Variants in CNTN5 observed in about 807,000 individuals in gnomAD.
CNTN5 encodes contactin 5, also known as contactin-5.
Under a neutral mutation model 129.1 loss-of-function variants are expected in CNTN5, and 77 were observed. The ratio of observed to expected loss-of-function variants is 0.60; its 90% CI spans 0.50 to 0.72. CNTN5 has a LOEUF of 0.72. CNTN5 is among the 30% of genes least tolerant of loss of function. The pLI is 0.00. For synonymous variants in CNTN5, 509 were observed against 465.6 expected (o/e 1.09, Z -1.20); for missense variants, 1,478 against 1,328.8 (o/e 1.11, Z -1.75).
chr11:99,622,315 G>A (rs959886289), intron 3 of CNTN5, among the ~76,000 whole-genome samples: 11 of 152,076 alleles, frequency 7.2e-5, no homozygotes, highest in African/African-American at 2.7e-4. Flanking sequence ...AATCAATTTG[G>A]TTTAATGAAA....
At chr11:99,591,463 G>C (rs997057995) in intron 3 of CNTN5, among the ~76,000 whole-genome samples, 1 of 146,822 alleles carries the variant, frequency 6.8e-6, no homozygotes, top group Admixed American at 7.1e-5. Context: ...TCAGCCTCCC[G>C]AGTAGCTGAG....
At chr11:100,069,727 G>A (rs568438498) in intron 10 of CNTN5, among the ~76,000 whole-genome samples, 12 of 152,072 alleles carry the variant, frequency 7.9e-5, no homozygotes, top group South Asian at 2.1e-4. Flanking sequence ...ATTTTTATAC[G>A]TATTTCTTTG....
At chr11:99,431,528 A>AG (rs1044759905) in intron 2 of CNTN5, among the ~76,000 whole-genome samples, 5 of 152,076 alleles carry the variant, frequency 3.3e-5, no homozygotes, top group African/African-American at 1.2e-4. Flanking sequence ...AATTCCTTGG[A>AG]GGGGGGAAAC....
intron 9 of CNTN5, among the ~76,000 whole-genome samples, chr11:100,009,583 G>T (rs1448111559): frequency 8.5e-5 from 13 of 152,094 alleles, no homozygotes. Context: ...AATTCCAACA[G>T]TATGGGATTA....
At chr11:99,983,027 A>G (rs778254993) in intron 8 of CNTN5, among the ~76,000 whole-genome samples, 10 of 152,200 alleles carry the variant, frequency 6.6e-5, no homozygotes, top group Non-Finnish European at 1.3e-4. Flanking sequence ...TAATAAATCC[A>G]TGATCAGTCA....
intron 3 of CNTN5, among the ~76,000 whole-genome samples, chr11:99,564,629 A>T (rs544546493): frequency 2.6e-5 from 4 of 152,344 alleles, no homozygotes; most frequent in Admixed American, 2.6e-4. Context: ...ATTTGAGGTA[A>T]TCATAATTAC....
intron 1 of CNTN5, among the ~76,000 whole-genome samples, chr11:99,139,528 C>G (rs1394132933): frequency 6.6e-6 from 1 of 152,096 alleles, no homozygotes; most frequent in Non-Finnish European, 1.5e-5. Context: ...AGACCCGAGC[C>G]GTTCATTAAA....
At chr11:99,502,510 T>C (rs1374994058) in intron 2 of CNTN5, among the ~76,000 whole-genome samples, 2 of 152,154 alleles carry the variant, frequency 1.3e-5, no homozygotes, top group African/African-American at 4.8e-5. Context: ...CCCACAACTT[T>C]GCTTGGCACT....
chr11:99,071,319 T>C (rs1041199692), intron 1 of CNTN5, among the ~76,000 whole-genome samples: 1 of 152,180 alleles, frequency 6.6e-6, no homozygotes, highest in Non-Finnish European at 1.5e-5. Context: ...CTAATGCTTC[T>C]TTCTAGAAAT....
intron 3 of CNTN5, among the ~76,000 whole-genome samples, chr11:99,668,589 C>G (rs1490158654): frequency 6.6e-6 from 1 of 152,128 alleles, no homozygotes; most frequent in Non-Finnish European, 1.5e-5. Context: ...CATTATACTA[C>G]TAGTTATCGC....
intron 3 of CNTN5, among the ~76,000 whole-genome samples, chr11:99,761,512 G>A (rs1220772372): frequency 7.3e-5 from 11 of 151,484 alleles, no homozygotes; most frequent in Admixed American, 4.6e-4. Flanking sequence ...GAGAATATGC[G>A]GTGTTTGGTT....
rs1359912125 is a variant in CNTN5 at position 99,318,544 on chromosome 11, A to T, written c.-209-6802A>T. Among the ~76,000 whole-genome samples, 3 of 148,592 alleles carry T rather than the reference A, an allele frequency of 2.0e-5. No homozygotes were observed. The South Asian group carries it at 6.4e-4, about 32-fold the overall frequency. On this transcript the variant is annotated intron_variant, in intron 1 of 24. Coordinates refer to ENST00000524871, the MANE Select transcript of CNTN5 (RefSeq NM_014361.4). ...GTAATTTCAAAAACTTTTGAGAATTATTTTTTTTTTTTGTAATTAACTCTC... is the reference window on the plus strand; with the variant it reads ...GTAATTTCAAAAACTTTTGAGAATTTTTTTTTTTTTTTGTAATTAACTCTC...
At chr11:99,041,491 A>T (rs1388201140) in intron 1 of CNTN5, among the ~76,000 whole-genome samples, 1 of 152,092 alleles carries the variant, frequency 6.6e-6, no homozygotes, top group Non-Finnish European at 1.5e-5. Context: ...AAACAATTTA[A>T]CTCATCTTTT....
chr11:99,750,124 C>A (rs1944183196), intron 3 of CNTN5, among the ~76,000 whole-genome samples: 1 of 152,082 alleles, frequency 6.6e-6, no homozygotes. Flanking sequence ...TAATAGCTAG[C>A]CTGTATGTGA....
At position 100,161,477 on chromosome 11, in the gene CNTN5, G is replaced by A. The variant is rs1018719904; in HGVS notation, c.1581-29649G>A. 2.0e-5 allele frequency among the ~76,000 whole-genome samples: 3 copies of A among 151,940 alleles called. No individual in the cohort carries two copies. In the East Asian group the frequency reaches 5.9e-4, roughly 30 times the overall value. On this transcript the variant is annotated intron_variant, in intron 13 of 24. Coordinates refer to ENST00000524871, the MANE Select transcript of CNTN5 (RefSeq NM_014361.4). ...TATTTTACTCTTTGCAATTTGTAGAGTATACTGAAAGATATTTTCATGGAT... is the reference window on the plus strand; with the variant it reads ...TATTTTACTCTTTGCAATTTGTAGAATATACTGAAAGATATTTTCATGGAT...
intron 1 of CNTN5, among the ~76,000 whole-genome samples, chr11:99,310,116 A>G (rs979870050): frequency 6.6e-6 from 1 of 152,192 alleles, no homozygotes; most frequent in African/African-American, 2.4e-5. Flanking sequence ...TACAATTCAA[A>G]TATGTGCAAT....
At chr11:99,906,067 C>T (rs1373693512) in intron 6 of CNTN5, among the ~76,000 whole-genome samples, 1 of 152,102 alleles carries the variant, frequency 6.6e-6, no homozygotes, top group Non-Finnish European at 1.5e-5. Context: ...TATATACAGT[C>T]GTGTCTCCTG....
At chr11:100,115,581 G>A (rs901520336) in intron 13 of CNTN5, among the ~76,000 whole-genome samples, 1 of 151,946 alleles carries the variant, frequency 6.6e-6, no homozygotes, top group Non-Finnish European at 1.5e-5. Context: ...GAGAGGTTGG[G>A]GTAGGAGAAA....
chr11:99,463,958 T>C, intron 2 of CNTN5, among the ~76,000 whole-genome samples: 1 of 152,322 alleles, frequency 6.6e-6, no homozygotes, highest in East Asian at 1.9e-4. Flanking sequence ...TAAAATGTGA[T>C]CAAATAAAAA....
Sources: gnomAD v4.1 joint callset for allele counts (sites outside exome capture counted in the v4.1 genomes callset) on GRCh38, gnomAD v4.1.1 for gene constraint, MANE v1.5 for transcripts, NCBI Gene and HGNC (gene_info 2026-07-23, HGNC 2026-07-21) for gene names.